TNFAIP2: variants seen among roughly 807,000 people sequenced by gnomAD.
TNFAIP2 encodes TNF alpha induced protein 2.
In TNFAIP2, 47 loss-of-function variants were observed where a neutral mutation model predicts 63.5. That is an observed-to-expected ratio of 0.74 (90% confidence interval 0.59 to 0.94). The LOEUF (loss-of-function observed/expected upper bound fraction) is 0.94. Among genes scored for constraint, TNFAIP2 ranks in the 40% least tolerant of loss-of-function variants. TNFAIP2 has a pLI of 0.00. For missense variants in TNFAIP2, 787 were observed against 850.2 expected (o/e 0.93, Z 0.92); for synonymous variants, 405 against 390.2 (o/e 1.04, Z -0.45).
intron 11 of TNFAIP2, among the ~76,000 whole-genome samples, chr14:103,134,039 G>A (rs1392136507): frequency 6.6e-6 from 1 of 152,250 alleles, no homozygotes; most frequent in East Asian, 1.9e-4. Flanking sequence ...GACACGGCTA[G>A]TTAGTGTCTG....
intron 9 of TNFAIP2, 25 bp downstream of exon 9, chr14:103,132,897 TG>T (rs2088007627): frequency 6.2e-7 from 1 of 1,612,390 alleles, no homozygotes; most frequent in Non-Finnish European, 8.5e-7. Flanking sequence ...GGCTGGTGGC[TG>T]GGTCTTGGGG....
chr14:103,123,559 A>G lies in TNFAIP2; in HGVS notation c.-541A>G, dbSNP rs958116078. The G allele has an allele frequency of 3.3e-5, 5 of 152,192 alleles. No individual in the cohort carries two copies. Among genetic ancestry groups the G allele is most frequent in the Non-Finnish European group, 2.9e-5 (2 of 68,048 alleles). 9.4% of individuals were successfully genotyped at this position (152,192 alleles called of 1,614,324 possible). ...TCTCGCCCGCCCCTACCCCGAGGCC[A>G]GGCCGGATTCCCCGAGGAAAGAGCC... On this transcript the variant is annotated 5_prime_UTR_variant, in exon 1 of 12. Transcript: ENST00000560869.
rs572126127 is a variant in TNFAIP2, at chr14:103,126,705, C to T, written c.235+13C>T. ...CCGCCCCCCACAGGTGCTCTAGGACCCTGGGTTAGAGCTAGTCTGGGGCCT... is the reference window on the plus strand; with the variant it reads ...CCGCCCCCCACAGGTGCTCTAGGACTCTGGGTTAGAGCTAGTCTGGGGCCT... On this transcript the variant is annotated intron_variant, in intron 2 of 11. Coordinates refer to ENST00000560869, the MANE Select transcript of TNFAIP2 (RefSeq NM_006291.4). 3.0e-5 allele frequency: 46 copies of T among 1,557,714 alleles called. No individual in the cohort carries two copies. In the South Asian group the frequency reaches 5.1e-4, roughly 17 times the overall value.
chr14:103,135,538 G>T lies in TNFAIP2; in HGVS notation c.*178G>T. 6.8e-7 allele frequency: 1 copy of T among 1,460,104 alleles called. No homozygotes were observed. The highest frequency in any genetic ancestry group is 9.0e-7 in the Non-Finnish European group (1 of 1,113,144). 90.4% of individuals were successfully genotyped at this position (1,460,104 alleles called of 1,614,324 possible). On this transcript the variant is annotated 3_prime_UTR_variant, in exon 12 of 12. Transcript: ENST00000560869. This position sits in a 1 kb window ranked among gnomAD's most constrained non-coding sequence, Gnocchi z 7.6. Reference sequence around the variant, plus strand: ...TGTCAGCTGGAACTGGACAGACCTTGGTTTGTTTACATGTCCGATGGGGGC... The same window carrying T: ...TGTCAGCTGGAACTGGACAGACCTTTGTTTGTTTACATGTCCGATGGGGGC...
chr14:103,135,104 C>T lies in TNFAIP2; in HGVS notation c.1824-115C>T. 6 of 1,318,854 alleles carry T rather than the reference C, an allele frequency of 4.5e-6. No homozygotes were observed. In the South Asian group the frequency reaches 7.4e-5, roughly 16 times the overall value. The allele number at this position is 1,318,854 out of a possible 1,614,324, so 81.7% of individuals were successfully genotyped here. Reference sequence around the variant, plus strand: ...GGGTGAGGGAGAGTGAAGTGCAGCCCCCTCGTGGGCCGGGCGTTGGCTGTC... The same window carrying T: ...GGGTGAGGGAGAGTGAAGTGCAGCCTCCTCGTGGGCCGGGCGTTGGCTGTC... On this transcript the variant is annotated intron_variant, in intron 11 of 11. Transcript: ENST00000560869. This position sits in a 1 kb window ranked among gnomAD's most constrained non-coding sequence, Gnocchi z 7.6.
In TNFAIP2 at chr14:103,127,205, G is replaced by A; in HGVS notation, c.436G>A (p.Ala146Thr). 9.0e-7 allele frequency: 1 copy of A among 1,116,184 alleles called. No individual in the cohort carries two copies. The highest frequency in any genetic ancestry group is 1.1e-6 in the Non-Finnish European group (1 of 909,698). 69.1% of individuals were successfully genotyped at this position (1,116,184 alleles called of 1,614,324 possible). ...VLGVLRRPLE[A>T]PPERLRQALA... ...GGGCGTGCTGCGGCGGCCGCTGGAG[G>A]CGCCGCCCGAGCGGCTGCGCCAGGC... The change falls in exon 3 of 12, where the codon GCG becomes ACG. Residue 146 changes from alanine (A) to threonine (T), a missense_variant. Physicochemically the swap from Ala to Thr is moderately conservative, Grantham distance 58 (BLOSUM62 0). This residue lies in a region of TNFAIP2 where 258 missense variants were observed against 228.9 expected (regional missense o/e 1.13). Coordinates refer to ENST00000560869, the MANE Select transcript of TNFAIP2 (RefSeq NM_006291.4). This position sits in a 1 kb window ranked among gnomAD's most constrained non-coding sequence, Gnocchi z 5.1.
chr14:103,130,199 T>G, intron 5 of TNFAIP2, 75 bp downstream of exon 5: 1 of 1,566,742 alleles, frequency 6.4e-7, no homozygotes, highest in Non-Finnish European at 8.7e-7. Context: ...TTCCGTCCTG[T>G]GTGCATACCC....
rs932767425 is a variant in TNFAIP2 at position 103,135,667 on chromosome 14, C to T, written c.*307C>T. 12 of 1,266,742 alleles carry T rather than the reference C, an allele frequency of 9.5e-6. No individual in the cohort carries two copies. Among genetic ancestry groups the T allele is most frequent in the African/African-American group, 1.5e-5 (1 of 65,374 alleles). 78.5% of individuals were successfully genotyped at this position (1,266,742 alleles called of 1,614,324 possible). A position where few individuals can be genotyped will look rare whatever the true frequency, so the allele number is the denominator to read the frequency against. On this transcript the variant is annotated 3_prime_UTR_variant, in exon 12 of 12. Transcript: ENST00000560869. The surrounding 1 kb of genome is among the most constrained non-coding windows in gnomAD (Gnocchi z 7.6). ...GAAAGAACCAGGAGGGAGAGTGCAGCCAGGCTCAGGGATCCCCGGACACCT... is the reference window on the plus strand; with the variant it reads ...GAAAGAACCAGGAGGGAGAGTGCAGTCAGGCTCAGGGATCCCCGGACACCT...
intron 3 of TNFAIP2, among the ~76,000 whole-genome samples, chr14:103,129,449 C>A (rs1191412724): frequency 6.9e-6 from 1 of 145,170 alleles, no homozygotes; most frequent in Non-Finnish European, 1.5e-5. Context: ...CCGGCCAGGG[C>A]GCCAGAGTGG....
chr14:103,127,383 G>T lies in TNFAIP2; in HGVS notation c.614G>T (p.Arg205Leu). 6.5e-7 allele frequency: 1 copy of T among 1,527,766 alleles called. No individual in the cohort carries two copies. The allele number at this position is 1,527,766 out of a possible 1,614,324, so 94.6% of individuals were successfully genotyped here. A position where few individuals can be genotyped will look rare whatever the true frequency, so the allele number is the denominator to read the frequency against. ...AEAAEERMGQ[R>L]PAAGAEVPES... ...GCGGCCGAGGAGCGCATGGGCCAGC[G>T]GCCGGCCGCGGGCGCCGAGGTCCCC... is the stretch of plus-strand genomic sequence containing the variant. The change falls in exon 3 of 12, where the codon CGG (arginine) becomes CTG (leucine). Residue 205 changes from arginine (R) to leucine (L), a missense_variant. By Grantham distance (102) the Arg-to-Leu change is moderately radical (BLOSUM62 -2). This residue lies in a region of TNFAIP2 where 523 missense variants were observed against 604.1 expected (regional missense o/e 0.87). Coordinates refer to ENST00000560869, the MANE Select transcript of TNFAIP2 (RefSeq NM_006291.4). The surrounding 1 kb of genome is among the most constrained non-coding windows in gnomAD (Gnocchi z 5.1).
intron 3 of TNFAIP2, among the ~76,000 whole-genome samples, chr14:103,129,164 G>T (rs2087919374): frequency 6.6e-6 from 1 of 152,236 alleles, no homozygotes; most frequent in African/African-American, 2.4e-5. Context: ...GCCCATTCTG[G>T]CCTACCCCTG....
At position 103,131,245 on chromosome 14, in the gene TNFAIP2, A is replaced by G; in HGVS notation, c.1298+95A>G. 7.4e-7 allele frequency: 1 copy of G among 1,350,012 alleles called. No individual in the cohort carries two copies. Among genetic ancestry groups the G allele is most frequent in the Non-Finnish European group, 1.0e-6 (1 of 953,918 alleles). 83.6% of individuals were successfully genotyped at this position (1,350,012 alleles called of 1,614,324 possible). On this transcript the variant is annotated intron_variant, in intron 7 of 11. Transcript: ENST00000560869. This position sits in a 1 kb window ranked among gnomAD's most constrained non-coding sequence, Gnocchi z 4.0. Reference sequence around the variant, plus strand: ...GGAGGGAGGAGGAGCTGCTTAGGCCAAGAAGTGGAATTCAAACCAGCAACA... The same window carrying G: ...GGAGGGAGGAGGAGCTGCTTAGGCCGAGAAGTGGAATTCAAACCAGCAACA...
At position 103,135,562 on chromosome 14, in the gene TNFAIP2, G is replaced by C; in HGVS notation, c.*202G>C. On this transcript the variant is annotated 3_prime_UTR_variant, in exon 12 of 12. Coordinates refer to ENST00000560869, the MANE Select transcript of TNFAIP2 (RefSeq NM_006291.4). This position sits in a 1 kb window ranked among gnomAD's most constrained non-coding sequence, Gnocchi z 7.6. ...TGGTTTGTTTACATGTCCGATGGGGGCAGGAGCTCCCATCCTGGGCAGCCA... is the reference window on the plus strand; with the variant it reads ...TGGTTTGTTTACATGTCCGATGGGGCCAGGAGCTCCCATCCTGGGCAGCCA... The C allele has an allele frequency of 7.0e-7, 1 of 1,429,680 alleles. No individual in the cohort carries two copies. The highest frequency in any genetic ancestry group is 2.4e-4 in the Middle Eastern group (1 of 4,246). 88.6% of individuals were successfully genotyped at this position (1,429,680 alleles called of 1,614,324 possible).
chr14:103,132,540 T>C (rs559676268), intron 8 of TNFAIP2, among the ~76,000 whole-genome samples: 9 of 152,266 alleles, frequency 5.9e-5, no homozygotes, highest in African/African-American at 2.2e-4. Context: ...TGGGTGACCT[T>C]GGATAAGGGT....
intron 1 of TNFAIP2, among the ~76,000 whole-genome samples, chr14:103,124,783 C>T (rs537049081): frequency 3.3e-5 from 5 of 152,342 alleles, no homozygotes; most frequent in African/African-American, 4.8e-5. Flanking sequence ...GAGCATGCCC[C>T]TCTTGGTCCT....
rs765717795 is a variant in TNFAIP2 at position 103,136,368 on chromosome 14, C to T, written c.*1008C>T. ...CAGTCCTGCACTCCTTCTGGAGGCTCTAGGGGAGAATTCATTTCTGGCCTT... is the reference window on the plus strand; with the variant it reads ...CAGTCCTGCACTCCTTCTGGAGGCTTTAGGGGAGAATTCATTTCTGGCCTT... On this transcript the variant is annotated 3_prime_UTR_variant, in exon 12 of 12. Coordinates refer to ENST00000560869, the MANE Select transcript of TNFAIP2 (RefSeq NM_006291.4). The T allele has an allele frequency of 3.2e-5, 5 of 157,566 alleles. No homozygotes were observed. Among genetic ancestry groups the T allele is most frequent in the Non-Finnish European group, 4.2e-5 (3 of 71,296 alleles). The allele number at this position is 157,566 out of a possible 1,614,324, so 9.8% of individuals were successfully genotyped here.
chr14:103,128,081 G>T (rs1169392237), intron 3 of TNFAIP2, among the ~76,000 whole-genome samples: 1 of 152,188 alleles, frequency 6.6e-6, no homozygotes, highest in African/African-American at 2.4e-5. Flanking sequence ...GCCTGGAGGA[G>T]GTGAAAGCCA....
rs1442115496 is a variant in TNFAIP2, at chr14:103,127,712, G to A, written c.860+83G>A. On this transcript the variant is annotated intron_variant, in intron 3 of 11. Coordinates refer to ENST00000560869, the MANE Select transcript of TNFAIP2 (RefSeq NM_006291.4). The surrounding 1 kb of genome is among the most constrained non-coding windows in gnomAD (Gnocchi z 5.1). ...GTGTCGAGGGGTGTCGAGGTGTGCCGCCGGCAGCTTTTAGTGAGGTCGGTG... is the reference window on the plus strand; with the variant it reads ...GTGTCGAGGGGTGTCGAGGTGTGCCACCGGCAGCTTTTAGTGAGGTCGGTG... The A allele has an allele frequency of 4.3e-6, 6 of 1,384,728 alleles. No individual in the cohort carries two copies. The highest frequency in any genetic ancestry group is 1.6e-5 in the South Asian group (1 of 61,920). 85.8% of individuals were successfully genotyped at this position (1,384,728 alleles called of 1,614,324 possible). A position where few individuals can be genotyped will look rare whatever the true frequency, so the allele number is the denominator to read the frequency against.
chr14:103,135,742 T>G lies in TNFAIP2; in HGVS notation c.*382T>G, dbSNP rs1040205720. The G allele has an allele frequency of 2.5e-5, 31 of 1,260,856 alleles. No individual in the cohort carries two copies. In the African/African-American group the frequency reaches 4.6e-4, roughly 19 times the overall value. 78.1% of individuals were successfully genotyped at this position (1,260,856 alleles called of 1,614,324 possible). A position where few individuals can be genotyped will look rare whatever the true frequency, so the allele number is the denominator to read the frequency against. On this transcript the variant is annotated 3_prime_UTR_variant, in exon 12 of 12. Transcript: ENST00000560869. The surrounding 1 kb of genome is among the most constrained non-coding windows in gnomAD (Gnocchi z 7.6). ...GCCTCATGACTGTCCTCCTCGTGGG[T>G]GGGGCCGAGGGCCCTCTTCAGCTCT...
Sources: allele counts gnomAD v4.1 joint callset (sites outside exome capture counted in the v4.1 genomes callset), GRCh38; gene constraint gnomAD v4.1.1; regional missense constraint gnomAD v4.1.1; non-coding constraint Gnocchi (gnomAD v3.1); transcripts MANE v1.5; gene names NCBI Gene and HGNC (gene_info 2026-07-23, HGNC 2026-07-21).